Variants in FGF14 observed in about 807,000 individuals in gnomAD.
FGF14 encodes the protein fibroblast growth factor homologous factor 4.
Under a neutral mutation model 25.5 loss-of-function variants are expected in FGF14, and 5 were observed. The ratio of observed to expected loss-of-function variants is 0.20; its 90% CI spans 0.10 to 0.41. The LOEUF is 0.41. Ranked by LOEUF, FGF14 falls within the 10% of genes least tolerant of loss-of-function variation. The probability of loss-of-function intolerance (pLI) is 1.00; values close to 1 mark genes in which losing one functional copy is unlikely to be tolerated. For synonymous variants in FGF14, 138 were observed against 118.3 expected, an observed-to-expected ratio of 1.17 and a Z score of -1.08; for missense variants, 222 against 320.1, an observed-to-expected ratio of 0.69 and a Z score of 2.34.
chr13:101,882,323 T>A (rs1451508122), intron 1 of FGF14, among the ~76,000 whole-genome samples: 1 of 151,784 alleles, frequency 6.6e-6, no homozygotes, highest in African/African-American at 2.4e-5. Flanking sequence ...AGAATTAGCA[T>A]GACAAAAAGT....
chr13:102,210,960 T>C (rs902295225), intron 1 of FGF14, among the ~76,000 whole-genome samples: 30 of 152,244 alleles, frequency 2.0e-4, no homozygotes, highest in Middle Eastern at 3.4e-3. Context: ...TCTTAGGCGG[T>C]GAACAACCTC....
At chr13:102,024,554 A>G (rs1832799419) in intron 1 of FGF14, among the ~76,000 whole-genome samples, 2 of 151,940 alleles carry the variant, frequency 1.3e-5, no homozygotes, top group African/African-American at 4.8e-5. Context: ...TCCTTCCATA[A>G]TATGAAGCGT....
chr13:102,011,298 A>G (rs893471201), intron 1 of FGF14, among the ~76,000 whole-genome samples: 3 of 152,212 alleles, frequency 2.0e-5, no homozygotes, highest in Non-Finnish European at 4.4e-5. Context: ...AATATATTAA[A>G]AAACTGATCT....
rs367769561 is a variant in FGF14, at chr13:102,352,541, G to A, written c.208+48930C>T. On this transcript the variant is annotated intron_variant, in intron 1 of 4. Transcript: ENST00000376131. The stretch of plus-strand genomic sequence containing the variant: ...AGATGTTAAGATATTGGCCGGGCGC[G>A]GTGGCTCACGCCTGTAATCCCAGCA... 1.3e-4 allele frequency among the ~76,000 whole-genome samples: 20 copies of A among 152,238 alleles called. No homozygotes were observed. The East Asian group carries it at 2.5e-3, about 19-fold the overall frequency.
chr13:102,148,954 G>A (rs371473206), intron 1 of FGF14, among the ~76,000 whole-genome samples: 5 of 152,082 alleles, frequency 3.3e-5, no homozygotes, highest in South Asian at 2.1e-4. Context: ...CTGCAGTGCC[G>A]CACATGTATA....
In FGF14 at chr13:102,370,471, T is replaced by C. The variant is rs76701372; in HGVS notation, c.208+31000A>G. ...TTTGTTATGAGATGGGGTCTCACTA[T>C]GTTGCCAGGTTGGTCTTGATCCTCC... is the stretch of plus-strand genomic sequence containing the variant. On this transcript the variant is annotated intron_variant, in intron 1 of 4. Transcript: ENST00000376131. 8.5e-5 allele frequency among the ~76,000 whole-genome samples: 13 copies of C among 152,132 alleles called. No individual in the cohort carries two copies. In the East Asian group the frequency reaches 2.3e-3, roughly 27 times the overall value.
chr13:101,757,623 G>A (rs1190472901), intron 3 of FGF14, among the ~76,000 whole-genome samples: 1 of 152,092 alleles, frequency 6.6e-6, no homozygotes, highest in Non-Finnish European at 1.5e-5. Flanking sequence ...TATGCACCCT[G>A]ATTTAGATAA....
chr13:102,369,153 T>A (rs1050722201), intron 1 of FGF14, among the ~76,000 whole-genome samples: 7 of 152,200 alleles, frequency 4.6e-5, no homozygotes, highest in African/African-American at 1.7e-4. Context: ...ACTAGAACAC[T>A]GGCTGATGTC....
intron 3 of FGF14, among the ~76,000 whole-genome samples, chr13:101,752,139 C>A (rs2037325473): frequency 6.6e-6 from 1 of 152,044 alleles, no homozygotes. Context: ...TTAATTATCA[C>A]CTTTGATACA....
chr13:101,866,784 C>T (rs748925308), intron 3 of FGF14, among the ~76,000 whole-genome samples: 6 of 152,038 alleles, frequency 3.9e-5, no homozygotes, highest in African/African-American at 9.7e-5. Context: ...GATTCATAAT[C>T]GCTTTTGGTT....
In FGF14 at chr13:102,022,954, G is replaced by A. The variant is rs991788815; in HGVS notation, c.209-147658C>T. 1.1e-4 allele frequency among the ~76,000 whole-genome samples: 17 copies of A among 149,736 alleles called. No homozygotes were observed. In the East Asian group the frequency reaches 3.0e-3, roughly 26 times the overall value. On this transcript the variant is annotated intron_variant, in intron 1 of 4. Coordinates refer to the FGF14 transcript ENST00000376131. The stretch of plus-strand genomic sequence containing the variant: ...GTGAAGCCTTGTGCTGGGCTCCCTA[G>A]GACAAAGGCAAAGTTCAAGGAAGGG...
At chr13:101,978,938 G>C (rs777790629) in intron 1 of FGF14, among the ~76,000 whole-genome samples, 1 of 152,188 alleles carries the variant, frequency 6.6e-6, no homozygotes, top group Non-Finnish European at 1.5e-5. Flanking sequence ...GCCATGGTGT[G>C]ATGGAATTCC....
At chr13:102,342,222 A>C (rs189921881) in intron 1 of FGF14, among the ~76,000 whole-genome samples, 63 of 152,274 alleles carry the variant, frequency 4.1e-4, no homozygotes, top group Admixed American at 1.4e-3. Flanking sequence ...ATGAAGAGCA[A>C]TGGAAAGTAA....
At chr13:101,806,395 G>T (rs2041199547) in intron 3 of FGF14, among the ~76,000 whole-genome samples, 1 of 150,516 alleles carries the variant, frequency 6.6e-6, no homozygotes, top group African/African-American at 2.4e-5. Flanking sequence ...CACCAGCCTG[G>T]GTGACAGAGC....
rs565382125 is a variant in FGF14, at chr13:102,386,049, TACTA to T, written c.208+15418_208+15421del. ...CTTACACTGGCATATTTATTAACAG[TACTA>T]ACTCTTATTATTTTCCTTAATTTTC... On this transcript the variant is annotated intron_variant, in intron 1 of 4. Transcript: ENST00000376131. Among the ~76,000 whole-genome samples, 10 of 152,250 alleles carry T rather than the reference TACTA, an allele frequency of 6.6e-5. No homozygotes were observed. In the South Asian group the frequency reaches 2.1e-3, roughly 32 times the overall value.
intron 1 of FGF14, among the ~76,000 whole-genome samples, chr13:101,926,639 G>A (rs528045234): frequency 6.6e-6 from 1 of 152,190 alleles, no homozygotes; most frequent in Non-Finnish European, 1.5e-5. Flanking sequence ...TGCCTTTCAT[G>A]AGATTTAAGG....
At chr13:102,205,984 T>TAAAAAAAAAAAAAAAAAAAAAAAA (rs36108366) in intron 1 of FGF14, among the ~76,000 whole-genome samples, 1 of 47,442 alleles carries the variant, frequency 2.1e-5, no homozygotes. Context: ...CTCCCTGTGG[T>TAAAAAAAAAAAAAAAAAAAAAAAA]AAAAAAAAAA....
Position 102,320,216 on chromosome 13 carries a change from T to C in FGF14, c.208+81255A>G, listed in dbSNP as rs529225076. 5.4e-5 allele frequency among the ~76,000 whole-genome samples: 8 copies of C among 148,304 alleles called. No individual in the cohort carries two copies. In the East Asian group the frequency reaches 1.6e-3, roughly 29 times the overall value. ...AAAGAATGAGTTCTATCACCCAAAG[T>C]ATGAGCATGCAATTAAAGAGATTAT... On this transcript the variant is annotated intron_variant, in intron 1 of 4. Transcript: ENST00000376131.
intron 1 of FGF14, among the ~76,000 whole-genome samples, chr13:102,376,180 G>A (rs1057239823): frequency 6.6e-6 from 1 of 152,082 alleles, no homozygotes; most frequent in African/African-American, 2.4e-5. Context: ...GAATCTGGGG[G>A]CAGTTTTCCC....
Sources: gnomAD v4.1 joint callset for allele counts (sites outside exome capture counted in the v4.1 genomes callset) on GRCh38, gnomAD v4.1.1 for gene constraint, MANE v1.5 for transcripts, NCBI Gene and HGNC (gene_info 2026-07-23, HGNC 2026-07-21) for gene names.